The following LIMK1 variants were observed in gnomAD, a reference collection of about 807,000 sequenced individuals.
LIMK1 encodes LIM motif-containing protein kinase.
A neutral mutation model predicts 77.6 loss-of-function variants in LIMK1; 21 were observed. The observed-to-expected ratio is 0.27, with a 90% CI of 0.19 to 0.39. The LOEUF (loss-of-function observed/expected upper bound fraction) is 0.39. LIMK1 is among the 10% of genes least tolerant of loss of function. The pLI is 1.00. For missense variants in LIMK1, 696 were observed against 901.6 expected, an observed-to-expected ratio of 0.77 and a Z score of 2.92; for synonymous variants, 358 against 370.0, an observed-to-expected ratio of 0.97 and a Z score of 0.37.
At chr7:74,114,292 A>G (rs1366052566) in intron 12 of LIMK1, among the ~76,000 whole-genome samples, 1 of 152,162 alleles carries the variant, frequency 6.6e-6, no homozygotes, top group Non-Finnish European at 1.5e-5. Flanking sequence ...CTGTAATCCC[A>G]GCACTTTGGG....
chr7:74,113,864 G>A (rs1236431655), intron 12 of LIMK1, among the ~76,000 whole-genome samples: 1 of 152,128 alleles, frequency 6.6e-6, no homozygotes, highest in Non-Finnish European at 1.5e-5. Flanking sequence ...GGCTAGGTGG[G>A]AGGATCCCTT....
Position 74,121,326 on chromosome 7 carries a change from TC to T in LIMK1, c.*29del. ...AGCCAGGGCCACTCAGCTGCCCCTGTCCCCACCTCTGGAGAATCCACCCCCA... is the reference window on the plus strand; with the variant it reads ...AGCCAGGGCCACTCAGCTGCCCCTGTCCCACCTCTGGAGAATCCACCCCCA... On this transcript the variant is annotated 3_prime_UTR_variant, in exon 16 of 16. Transcript: ENST00000336180. 1 of 1,545,972 alleles carries T rather than the reference TC, an allele frequency of 6.5e-7. No individual in the cohort carries two copies.
At chr7:74,087,326 C>A (rs187451396) in intron 2 of LIMK1, among the ~76,000 whole-genome samples, 1 of 152,074 alleles carries the variant, frequency 6.6e-6, no homozygotes, top group Admixed American at 6.6e-5. Context: ...GTTACTTGAG[C>A]CTGGGAGGTG....
intron 12 of LIMK1, 132 bp downstream of exon 12, chr7:74,112,130 G>A (rs1417221356): frequency 9.7e-6 from 7 of 724,922 alleles, no homozygotes; most frequent in Non-Finnish European, 1.6e-5. Context: ...GGTGGGGGTG[G>A]GGGGCAGCAG....
intron 2 of LIMK1, among the ~76,000 whole-genome samples, chr7:74,087,754 T>A (rs1234226056): frequency 6.6e-6 from 1 of 151,822 alleles, no homozygotes; most frequent in African/African-American, 2.4e-5. Context: ...CACGCCCGGC[T>A]AAGTTTTGTA....
intron 5 of LIMK1, among the ~76,000 whole-genome samples, chr7:74,101,726 T>C (rs1161707162): frequency 6.6e-6 from 1 of 152,092 alleles, no homozygotes; most frequent in African/African-American, 2.4e-5. Flanking sequence ...GAAGGTCTAA[T>C]TTATCCAGGC....
In LIMK1 at chr7:74,121,388, A is replaced by G. The variant is rs1799937039; in HGVS notation, c.*87A>G. The G allele has an allele frequency of 1.5e-6, 2 of 1,306,408 alleles. No individual in the cohort carries two copies. Among genetic ancestry groups the G allele is most frequent in the Non-Finnish European group, 2.1e-6 (2 of 970,192 alleles). 80.9% of individuals were successfully genotyped at this position (1,306,408 alleles called of 1,614,324 possible). A position where few individuals can be genotyped will look rare whatever the true frequency, so the allele number is the denominator to read the frequency against. Reference sequence around the variant, plus strand: ...CCGCGGGAGGTGGCCCTCAGCTGGGACAGTGGGGACCCAGGCTTCTCCTCA... The same window carrying G: ...CCGCGGGAGGTGGCCCTCAGCTGGGGCAGTGGGGACCCAGGCTTCTCCTCA... On this transcript the variant is annotated 3_prime_UTR_variant, in exon 16 of 16. Transcript: ENST00000336180.
chr7:74,120,465 G>A lies in LIMK1; in HGVS notation c.1568-118G>A. ...GTTCCCATAGAGGTTGCCGGCATCT[G>A]CCTCCTGGGCCTGGACCTCCCGGCC... On this transcript the variant is annotated intron_variant, in intron 13 of 15. Coordinates refer to ENST00000336180, the MANE Select transcript of LIMK1 (RefSeq NM_002314.4). The A allele has an allele frequency of 1.0e-5, 11 of 1,054,096 alleles. No individual in the cohort carries two copies. In the South Asian group the frequency reaches 1.5e-4, roughly 14 times the overall value. The allele number at this position is 1,054,096 out of a possible 1,614,324, so 65.3% of individuals were successfully genotyped here. A position where few individuals can be genotyped will look rare whatever the true frequency, so the allele number is the denominator to read the frequency against.
At chr7:74,115,642 G>A (rs1449732536) in intron 12 of LIMK1, 160 bp from the exon 13 acceptor site, 2 of 668,960 alleles carry the variant, frequency 3.0e-6, no homozygotes, top group African/African-American at 3.6e-5. Flanking sequence ...AAGAGCGGAT[G>A]GGTTTGGGGA....
intron 9 of LIMK1, 57 bp from the exon 10 acceptor site, chr7:74,108,848 C>A: frequency 6.3e-7 from 1 of 1,585,740 alleles, no homozygotes; most frequent in Non-Finnish European, 8.6e-7. Context: ...GAGAAGCAGA[C>A]CCAAGCACAG....
At position 74,115,887 on chromosome 7, in the gene LIMK1, A is replaced by G; in HGVS notation, c.1496A>G (p.Lys499Arg). The change falls in exon 13 of 16, where the codon AAG becomes AGG. Residue 499 changes from lysine (K) to arginine (R), a missense_variant. Transcript: ENST00000336180. ...KTQPEGLRSL[K>R]KPDRKKRYTV... ...CAGCCTGAGGGCCTGCGGAGCCTCA[A>G]GAAGCCAGACCGCAAGAAGCGCTAC... 1.2e-6 allele frequency: 2 copies of G among 1,614,086 alleles called. No individual in the cohort carries two copies. Among genetic ancestry groups the G allele is most frequent in the Non-Finnish European group, 1.7e-6 (2 of 1,179,950 alleles).
intron 3 of LIMK1, 116 bp from the exon 4 acceptor site, chr7:74,096,964 A>G: frequency 9.6e-7 from 1 of 1,039,404 alleles, no homozygotes; most frequent in Non-Finnish European, 1.4e-6. Context: ...GCAGCTGGCC[A>G]GCCGGGTCCC....
In LIMK1 at chr7:74,099,465, C is replaced by T. The variant is rs555704917; in HGVS notation, c.608+227C>T. On this transcript the variant is annotated intron_variant, in intron 5 of 15. Transcript: ENST00000336180. ...GACATTTTCAACCGGGCATGGTGGC[C>T]CACACCTGTAATCTCAGCACTTCGG... Among the ~76,000 whole-genome samples, 3 of 152,242 alleles carry T rather than the reference C, an allele frequency of 2.0e-5. No homozygotes were observed. In the East Asian group the frequency reaches 5.8e-4, roughly 29 times the overall value.
At chr7:74,094,433 T>G (rs984826526) in intron 2 of LIMK1, 2 of 152,222 alleles carry the variant, frequency 1.3e-5, no homozygotes, top group African/African-American at 4.8e-5. Context: ...GTTACAGCAA[T>G]TCCTAATCCC....
In LIMK1 at chr7:74,121,605, T is replaced by G; in HGVS notation, c.*304T>G. The G allele has an allele frequency of 2.7e-6, 1 of 374,076 alleles. No homozygotes were observed. The highest frequency in any genetic ancestry group is 4.8e-6 in the Non-Finnish European group (1 of 207,200). The allele number at this position is 374,076 out of a possible 1,614,324, so 23.2% of individuals were successfully genotyped here. On this transcript the variant is annotated 3_prime_UTR_variant, in exon 16 of 16. Transcript: ENST00000336180. ...GAGGGCCTGTGTGAGTTACGCCCCT[T>G]TCCACACGCCGCTGCCCCAGCAACC...
intron 5 of LIMK1, among the ~76,000 whole-genome samples, chr7:74,102,189 C>T (rs1554696669): frequency 2.0e-5 from 3 of 151,838 alleles, no homozygotes; most frequent in Admixed American, 2.0e-4. Flanking sequence ...TTTTTTTCAA[C>T]TTTTCATCTT....
At chr7:74,119,005 C>T (rs1401611071) in intron 13 of LIMK1, among the ~76,000 whole-genome samples, 1 of 152,020 alleles carries the variant, frequency 6.6e-6, no homozygotes, top group Non-Finnish European at 1.5e-5. Flanking sequence ...ACACCATTCT[C>T]CTGCCTCAGC....
rs1584133822 is a variant in LIMK1 at position 74,118,100 on chromosome 7, A to G, written c.1567+2142A>G. On this transcript the variant is annotated intron_variant, in intron 13 of 15. Coordinates refer to ENST00000336180, the MANE Select transcript of LIMK1 (RefSeq NM_002314.4). ...AGAGGAAGACTGTGTCTCAAAAAGA[A>G]AAAAAAAAAAACCTTCCTGTAATCC... Among the ~76,000 whole-genome samples, 5 of 149,308 alleles carry G rather than the reference A, an allele frequency of 3.3e-5. No individual in the cohort carries two copies. The East Asian group carries it at 9.9e-4, about 30-fold the overall frequency.
intron 4 of LIMK1, 140 bp downstream of exon 4, chr7:74,097,329 T>C (rs1554695844): frequency 1.9e-6 from 1 of 535,922 alleles, no homozygotes; most frequent in African/African-American, 1.9e-5. Context: ...ATATCTCCTT[T>C]CCCATCCCGG....
Sources: gnomAD v4.1 joint callset for allele counts (sites outside exome capture counted in the v4.1 genomes callset) on GRCh38, gnomAD v4.1.1 for gene constraint, MANE v1.5 for transcripts, NCBI Gene and HGNC (gene_info 2026-07-23, HGNC 2026-07-21) for gene names.